The following LHX8 variants were observed in gnomAD, a reference collection of about 807,000 sequenced individuals.
The protein encoded by LHX8 is LIM/homeobox protein Lhx8.
LHX8 carries 12 observed loss-of-function variants against 40.3 expected under a neutral mutation model. The ratio of observed to expected loss-of-function variants is 0.30; its 90% CI spans 0.19 to 0.48. The LOEUF is 0.48. LHX8 is among the 20% of genes least tolerant of loss of function. LHX8 has a pLI of 0.99. For missense variants in LHX8, 344 were observed against 433.7 expected (o/e 0.79, Z 1.84); for synonymous variants, 179 against 162.0 (o/e 1.10, Z -0.80).
upstream of LHX8, chr1:75,131,041 GT>G (rs1169390461): frequency 3.4e-5 from 15 of 447,754 alleles, no homozygotes; most frequent in Admixed American, 3.7e-4. Context: ...GAGGTGGGCG[GT>G]GAGGGCCGCG....
At chr1:75,156,226 T>C (rs1031393272) in intron 7 of LHX8, among the ~76,000 whole-genome samples, 1 of 124,874 alleles carries the variant, frequency 8.0e-6, no homozygotes, top group East Asian at 4.7e-4. Context: ...GTTGTTGTTG[T>C]TGTTGTTGTT....
the LHX8 span, among the ~76,000 whole-genome samples, chr1:75,181,366 C>T: frequency 6.6e-6 from 1 of 152,196 alleles, no homozygotes; most frequent in Admixed American, 6.5e-5. Flanking sequence ...GTGGGCTCCA[C>T]CCAGTTCGAG....
intron 6 of LHX8, among the ~76,000 whole-genome samples, chr1:75,148,153 C>T (rs578084137): frequency 8.3e-4 from 127 of 152,144 alleles, no homozygotes; most frequent in Middle Eastern, 3.4e-3. Flanking sequence ...GATCTGTATA[C>T]TATTAGGTAT....
At chr1:75,190,673 G>A in the LHX8 span, among the ~76,000 whole-genome samples, 3 of 152,152 alleles carry the variant, frequency 2.0e-5, no homozygotes, top group Admixed American at 6.6e-5. Flanking sequence ...TTAAAGATAC[G>A]TGTAGTGGAA....
At chr1:75,157,662 C>T (rs1443622608) in intron 8 of LHX8, among the ~76,000 whole-genome samples, 1 of 152,162 alleles carries the variant, frequency 6.6e-6, no homozygotes, top group Non-Finnish European at 1.5e-5. Flanking sequence ...TTTAGTTTTG[C>T]CCTTTTTGAA....
the LHX8 span, among the ~76,000 whole-genome samples, chr1:75,190,980 C>T: frequency 6.6e-6 from 1 of 151,978 alleles, no homozygotes; most frequent in Non-Finnish European, 1.5e-5. Flanking sequence ...AGAATATACA[C>T]TTAAAAGCTT....
chr1:75,160,821 C>A lies in LHX8; in HGVS notation c.967C>A (p.His323Asn), dbSNP rs765888467. Reference protein sequence around the residue: ...LTALHSYMDAHSPTTLGLQPL... With the variant: ...LTALHSYMDANSPTTLGLQPL... ...ACAAATTTCTTTCTATTTTGTAGCT[C>A]ATTCACCAACAACTCTTGGACTCCA... The change falls in exon 9 of 9, where the codon CAT becomes AAT. Residue 323 changes from histidine (H) to asparagine (N), a missense_variant and splice_region_variant. Around this residue, in one of 3 missense-constraint regions of LHX8, gnomAD observed 89 missense variants for 92.8 expected, o/e 0.96. Coordinates refer to ENST00000356261, the MANE Select transcript of LHX8 (RefSeq NM_001256114.2). 1.2e-6 allele frequency: 2 copies of A among 1,609,316 alleles called. No individual in the cohort carries two copies. The highest frequency in any genetic ancestry group is 1.7e-6 in the Non-Finnish European group (2 of 1,175,764).
At chr1:75,130,169 T>C (rs763545553), upstream of LHX8, 9 of 159,974 alleles carry the variant, frequency 5.6e-5, no homozygotes, top group Non-Finnish European at 1.3e-4. Flanking sequence ...CTTTCCAGGC[T>C]GCCCTGCTTA....
the LHX8 span, among the ~76,000 whole-genome samples, chr1:75,180,253 G>T: frequency 6.6e-6 from 1 of 152,194 alleles, no homozygotes; most frequent in African/African-American, 2.4e-5. Context: ...CTAGACTGGG[G>T]AAGTTCTCCT....
intron 8 of LHX8, chr1:75,159,267 C>G (rs987697798): frequency 1.3e-5 from 2 of 152,076 alleles, no homozygotes; most frequent in African/African-American, 4.8e-5. Context: ...CCTTCTTGCT[C>G]CTTCGAAAAT....
At chr1:75,159,350 G>A (rs1004986112) in intron 8 of LHX8, 1 of 152,018 alleles carries the variant, frequency 6.6e-6, no homozygotes, top group Non-Finnish European at 1.5e-5. Context: ...GCCTGGGTGT[G>A]CTTCTTGAAT....
the LHX8 span, among the ~76,000 whole-genome samples, chr1:75,197,560 C>T: frequency 6.6e-6 from 1 of 152,112 alleles, no homozygotes; most frequent in South Asian, 2.1e-4. Flanking sequence ...GACTTCTAGC[C>T]ACTTCTTTTT....
chr1:75,148,517 A>G lies in LHX8; in HGVS notation c.685-70A>G, dbSNP rs1648522670. The G allele has an allele frequency of 4.7e-6, 5 of 1,059,024 alleles. No individual in the cohort carries two copies. The South Asian group carries it at 6.4e-5, about 14-fold the overall frequency. The allele number at this position is 1,059,024 out of a possible 1,614,324, so 65.6% of individuals were successfully genotyped here. A position where few individuals can be genotyped will look rare whatever the true frequency, so the allele number is the denominator to read the frequency against. ...TCTTGTGCATGTCTTACCTCTTATG[A>G]TAAAAATGCAGGAAGAAGACTGAGC... On this transcript the variant is annotated intron_variant, in intron 6 of 8. Transcript: ENST00000356261.
At chr1:75,143,007 AATAC>A (rs2100340503) in intron 4 of LHX8, 107 bp from the exon 5 acceptor site, 1 of 809,938 alleles carries the variant, frequency 1.2e-6, no homozygotes, top group East Asian at 2.6e-5. Context: ...ACAATATTTA[AATAC>A]TTAGGTTATT....
chr1:75,136,993 G>C, intron 2 of LHX8, 107 bp from the exon 3 acceptor site: 1 of 1,276,980 alleles, frequency 7.8e-7, no homozygotes, highest in Non-Finnish European at 1.1e-6. Flanking sequence ...GTGGGGTGGG[G>C]TGGCCAGGGG....
chr1:75,192,293 T>C, the LHX8 span, among the ~76,000 whole-genome samples: 12 of 152,244 alleles, frequency 7.9e-5, no homozygotes, highest in African/African-American at 2.9e-4. Flanking sequence ...CCAAGGTCTG[T>C]AAACCATGCA....
chr1:75,196,303 G>T, the LHX8 span, among the ~76,000 whole-genome samples: 6 of 152,124 alleles, frequency 3.9e-5, no homozygotes, highest in Non-Finnish European at 8.8e-5. Flanking sequence ...GGTGAGAAAA[G>T]TTCATGGAGC....
intron 7 of LHX8, among the ~76,000 whole-genome samples, chr1:75,151,352 TAAG>T (rs1001183647): frequency 6.6e-6 from 1 of 152,188 alleles, no homozygotes; most frequent in Non-Finnish European, 1.5e-5. Flanking sequence ...TGCCAAATTT[TAAG>T]AAGGGACTAA....
the LHX8 span, among the ~76,000 whole-genome samples, chr1:75,189,812 T>A: frequency 6.6e-6 from 1 of 152,196 alleles, no homozygotes; most frequent in Non-Finnish European, 1.5e-5. Context: ...CTGTAATCTC[T>A]ATGAGGGCAA....
Sources: allele counts gnomAD v4.1 joint callset (sites outside exome capture counted in the v4.1 genomes callset), GRCh38; gene constraint gnomAD v4.1.1; regional missense constraint gnomAD v4.1.1; transcripts MANE v1.5; gene names NCBI Gene and HGNC (gene_info 2026-07-23, HGNC 2026-07-21).